The following IFT80 variants were observed in gnomAD, a reference collection of about 807,000 sequenced individuals.
IFT80 encodes intraflagellar transport 80, also known as intraflagellar transport protein 80 homolog.
Under a neutral mutation model 107.9 loss-of-function variants are expected in IFT80, and 79 were observed. That is an observed-to-expected ratio of 0.73 (90% CI 0.61 to 0.88). IFT80 has a LOEUF of 0.88. Among genes scored for constraint, IFT80 ranks in the 40% least tolerant of loss-of-function variants. The probability of loss-of-function intolerance (pLI) is 0.00; values close to 1 mark genes in which losing one functional copy is unlikely to be tolerated. For synonymous variants in IFT80, 299 were observed against 300.9 expected (o/e 0.99, Z 0.07); for missense variants, 797 against 914.2 (o/e 0.87, Z 1.65).
intron 8 of IFT80, among the ~76,000 whole-genome samples, chr3:160,352,469 A>T (rs959335484): frequency 6.6e-6 from 1 of 152,202 alleles, no homozygotes; most frequent in Admixed American, 6.5e-5. Context: ...TAGACTAAGC[A>T]TTGCCCATTT....
intron 8 of IFT80, 114 bp downstream of exon 8, chr3:160,355,899 A>C (rs1721044235): frequency 1.6e-6 from 2 of 1,230,080 alleles, no homozygotes; most frequent in African/African-American, 3.0e-5. Context: ...CAAATCAGAA[A>C]GATTCAACCA....
At chr3:160,391,137 C>T (rs942051446) in intron 1 of IFT80, among the ~76,000 whole-genome samples, 4 of 152,330 alleles carry the variant, frequency 2.6e-5, no homozygotes, top group African/African-American at 9.6e-5. Context: ...CCGCAAGGAA[C>T]AGTACCTCTG....
Position 160,291,498 on chromosome 3 carries a change from A to G in IFT80, c.1316-5630T>C, listed in dbSNP as rs150673037. On this transcript the variant is annotated intron_variant, in intron 12 of 19. Coordinates refer to ENST00000326448, the MANE Select transcript of IFT80 (RefSeq NM_020800.3). Reference sequence around the variant, plus strand: ...TCTGTTGACACTCGGACAGTGGCCTATAAACAGCTCTCAATTAACCAACAA... The same window carrying G: ...TCTGTTGACACTCGGACAGTGGCCTGTAAACAGCTCTCAATTAACCAACAA... Among the ~76,000 whole-genome samples, 336 of 152,346 alleles carry G rather than the reference A, an allele frequency of 2.2e-3. 2 individuals carry two copies. The highest frequency in any genetic ancestry group is 7.9e-3 in the African/African-American group (328 of 41,566).
chr3:160,335,354 T>C (rs980370647), intron 8 of IFT80, among the ~76,000 whole-genome samples: 6 of 151,966 alleles, frequency 3.9e-5, no homozygotes, highest in Non-Finnish European at 8.8e-5. Flanking sequence ...CCCGAGTAGC[T>C]GGGACTACAG....
chr3:160,261,664 G>C (rs1712843465), intron 19 of IFT80, among the ~76,000 whole-genome samples: 1 of 150,936 alleles, frequency 6.6e-6, no homozygotes, highest in African/African-American at 2.4e-5. Flanking sequence ...AGCTGGGCTT[G>C]GTGGCATTCA....
chr3:160,363,045 G>A (rs1475721334), intron 6 of IFT80, among the ~76,000 whole-genome samples: 1 of 152,106 alleles, frequency 6.6e-6, no homozygotes, highest in Admixed American at 6.6e-5. Flanking sequence ...AGGAAATAAA[G>A]GGTATTCAAT....
chr3:160,257,220 G>T lies in IFT80; in HGVS notation c.*1305C>A, dbSNP rs1040962416. 5 of 152,148 alleles carry T rather than the reference G, an allele frequency of 3.3e-5. No homozygotes were observed. The highest frequency in any genetic ancestry group is 1.9e-4 in the East Asian group (1 of 5,174). The allele number at this position is 152,148 out of a possible 1,614,324, so 9.4% of individuals were successfully genotyped here. On this transcript the variant is annotated 3_prime_UTR_variant, in exon 20 of 20. Transcript: ENST00000326448. ...GAAAAGAAACATGTTAAAAAGAAAA[G>T]ATTTTTATTTAAAAAACCTAGACAT...
intron 5 of IFT80, among the ~76,000 whole-genome samples, chr3:160,369,858 C>T (rs1722113831): frequency 6.6e-6 from 1 of 151,908 alleles, no homozygotes; most frequent in Non-Finnish European, 1.5e-5. Flanking sequence ...TTAATTTATG[C>T]TCCATTTCTG....
intron 8 of IFT80, among the ~76,000 whole-genome samples, chr3:160,333,022 A>G (rs749222111): frequency 1.2e-4 from 18 of 152,220 alleles, no homozygotes; most frequent in Admixed American, 2.0e-4. Flanking sequence ...TATAGCATCT[A>G]GACTATATGG....
rs200905980 is a variant in IFT80 at position 160,336,525 on chromosome 3, CCT to C, written c.778-16588_778-16587del. Among the ~76,000 whole-genome samples, 1,179 of 151,982 alleles carry C rather than the reference CCT, an allele frequency of 7.8e-3. 21 individuals carry two copies. The highest frequency in any genetic ancestry group is 0.027 in the African/African-American group (1,130 of 41,450). On this transcript the variant is annotated intron_variant, in intron 8 of 19. Coordinates refer to ENST00000326448, the MANE Select transcript of IFT80 (RefSeq NM_020800.3). Reference sequence around the variant, plus strand: ...TTCCTTTTCTCTCCCCCATTTCCTCCCTCTCTCTATAGATAACAATTTTTTAT... The same window carrying C: ...TTCCTTTTCTCTCCCCCATTTCCTCCCTCTCTATAGATAACAATTTTTTAT...
chr3:160,263,475 C>T (rs1476168900), intron 19 of IFT80, among the ~76,000 whole-genome samples: 1 of 152,124 alleles, frequency 6.6e-6, no homozygotes, highest in Non-Finnish European at 1.5e-5. Flanking sequence ...CTTTCAATGA[C>T]TTTTCCCAAC....
At chr3:160,288,193 C>T (rs1221046581) in intron 12 of IFT80, among the ~76,000 whole-genome samples, 3 of 152,072 alleles carry the variant, frequency 2.0e-5, no homozygotes, top group African/African-American at 7.2e-5. Context: ...ATTAGCCAGG[C>T]GTGGCAGCCT....
chr3:160,355,969 C>T (rs371780225), intron 8 of IFT80, 44 bp downstream of exon 8: 39 of 1,607,860 alleles, frequency 2.4e-5, no homozygotes, highest in Non-Finnish European at 3.1e-5. Context: ...TGCATTACCA[C>T]ATTTATGACA....
chr3:160,370,720 T>C (rs1722174526), intron 5 of IFT80, among the ~76,000 whole-genome samples: 1 of 152,178 alleles, frequency 6.6e-6, no homozygotes, highest in Non-Finnish European at 1.5e-5. Context: ...GAGATCTCCA[T>C]CACAGAGCTT....
intron 1 of IFT80, among the ~76,000 whole-genome samples, chr3:160,398,461 C>G (rs534499873): frequency 6.6e-6 from 1 of 152,266 alleles, no homozygotes; most frequent in South Asian, 2.1e-4. Context: ...TGCATGAATA[C>G]TGGAGATAGT....
chr3:160,302,574 A>C (rs577942830), intron 11 of IFT80, among the ~76,000 whole-genome samples: 1 of 152,136 alleles, frequency 6.6e-6, no homozygotes, highest in Non-Finnish European at 1.5e-5. Flanking sequence ...GCAGTAACTA[A>C]ATTTTTTGGC....
At chr3:160,295,552 G>C (rs1477570960) in intron 12 of IFT80, among the ~76,000 whole-genome samples, 1 of 151,870 alleles carries the variant, frequency 6.6e-6, no homozygotes, top group African/African-American at 2.4e-5. Context: ...GGCTGCAGTG[G>C]AGCACCAGTG....
intron 18 of IFT80, among the ~76,000 whole-genome samples, chr3:160,270,439 A>G (rs796156090): frequency 2.0e-5 from 3 of 152,268 alleles, no homozygotes; most frequent in South Asian, 4.1e-4. Flanking sequence ...TGTAAGTTAT[A>G]TATAATACAA....
rs189236772 is a variant in IFT80 at position 160,277,744 on chromosome 3, C to T, written c.1837-74G>A. 1,182 of 902,706 alleles carry T rather than the reference C, an allele frequency of 1.3e-3. 9 individuals are homozygous for T. Among genetic ancestry groups the T allele is most frequent in the South Asian group, 9.0e-3 (636 of 70,664 alleles). The allele number at this position is 902,706 out of a possible 1,614,324, so 55.9% of individuals were successfully genotyped here. On this transcript the variant is annotated intron_variant, in intron 16 of 19. Transcript: ENST00000326448. ...CTTAAAATAAGCAGTGATTTAAATA[C>T]TCATACTAAAATGATATTTTAATTT... is the stretch of plus-strand genomic sequence containing the variant.
Sources: allele counts gnomAD v4.1 joint callset (sites outside exome capture counted in the v4.1 genomes callset), GRCh38; gene constraint gnomAD v4.1.1; transcripts MANE v1.5; gene names NCBI Gene and HGNC (gene_info 2026-07-23, HGNC 2026-07-21).